The following RARB variants were observed in gnomAD, a reference collection of about 807,000 sequenced individuals.
RARB encodes HBV-activated protein.
RARB carries 17 observed loss-of-function variants against 51.9 expected under a neutral mutation model. That is an observed-to-expected ratio of 0.33 (90% CI 0.22 to 0.49). The LOEUF (loss-of-function observed/expected upper bound fraction) is 0.49. RARB is among the 20% of genes least tolerant of loss of function. The pLI is 0.99. For missense variants in RARB, 369 were observed against 550.8 expected (o/e 0.67, Z 3.30); for synonymous variants, 215 against 195.4 (o/e 1.10, Z -0.84).
At chr3:25,511,459 C>T (rs904945971) in intron 3 of RARB, among the ~76,000 whole-genome samples, 1 of 152,082 alleles carries the variant, frequency 6.6e-6, no homozygotes, top group African/African-American at 2.4e-5. Context: ...CCCTACCTTT[C>T]TATTTATGGC....
At chr3:25,034,305 G>C (rs1432252551) in intron 2 of RARB, among the ~76,000 whole-genome samples, 2 of 152,104 alleles carry the variant, frequency 1.3e-5, no homozygotes, top group East Asian at 1.9e-4. Context: ...GGGAGACCTT[G>C]TCACAAGAAA....
chr3:25,094,743 G>GAAAAAAAAAAAAAAAAAAAAAA (rs1559464234), intron 3 of RARB, among the ~76,000 whole-genome samples: 1 of 86,954 alleles, frequency 1.2e-5, no homozygotes. Context: ...AAAAAAAAAG[G>GAAAAAAAAAAAAAAAAAAAAAA]AAACTGCAAC....
chr3:25,389,779 G>T (rs1228522993), intron 5 of RARB, among the ~76,000 whole-genome samples: 2 of 152,186 alleles, frequency 1.3e-5, no homozygotes, highest in African/African-American at 2.4e-5. Flanking sequence ...GTGCACCTGT[G>T]TGCATAGAAA....
intron 2 of RARB, among the ~76,000 whole-genome samples, chr3:24,913,072 C>T (rs1362583621): frequency 1.3e-5 from 2 of 149,154 alleles, no homozygotes; most frequent in African/African-American, 4.9e-5. Context: ...GCTCCGCCTC[C>T]CAGGTTCATG....
chr3:25,341,796 A>G (rs1705236267), intron 5 of RARB, among the ~76,000 whole-genome samples: 1 of 152,134 alleles, frequency 6.6e-6, no homozygotes, highest in Non-Finnish European at 1.5e-5. Flanking sequence ...GAATTGTCTG[A>G]CCCAAAATGT....
At chr3:25,063,050 G>A (rs545994123) in intron 3 of RARB, among the ~76,000 whole-genome samples, 1 of 151,900 alleles carries the variant, frequency 6.6e-6, no homozygotes, top group South Asian at 2.1e-4. Context: ...GTGTAACTTA[G>A]GACAACTTCT....
intron 3 of RARB, among the ~76,000 whole-genome samples, chr3:25,546,407 C>T (rs557310356): frequency 2.2e-4 from 34 of 152,192 alleles, no homozygotes; most frequent in African/African-American, 7.2e-4. Context: ...CAGAAGCTAA[C>T]CCGATGAGAG....
chr3:25,333,025 G>A (rs984012492), intron 5 of RARB, among the ~76,000 whole-genome samples: 1 of 152,194 alleles, frequency 6.6e-6, no homozygotes, highest in Non-Finnish European at 1.5e-5. Context: ...CAAAATAAAA[G>A]AGGACACAAA....
intron 4 of RARB, among the ~76,000 whole-genome samples, chr3:25,135,638 A>C (rs1037912897): frequency 3.3e-5 from 5 of 152,086 alleles, no homozygotes; most frequent in African/African-American, 1.2e-4. Flanking sequence ...AAACACATTG[A>C]TGTCAGTGAG....
chr3:25,349,742 A>AT (rs558059835), intron 5 of RARB, among the ~76,000 whole-genome samples: 4 of 152,158 alleles, frequency 2.6e-5, no homozygotes, highest in South Asian at 4.1e-4. Context: ...ATTGAAAGTC[A>AT]TTTTTTTTCA....
chr3:25,447,333 C>T (rs1708992407), intron 1 of RARB, among the ~76,000 whole-genome samples: 2 of 152,156 alleles, frequency 1.3e-5, no homozygotes, highest in Non-Finnish European at 1.5e-5. Context: ...GCTAGTAACA[C>T]ACCCACTCAT....
At chr3:25,321,265 G>T (rs1704560865) in intron 5 of RARB, among the ~76,000 whole-genome samples, 1 of 152,090 alleles carries the variant, frequency 6.6e-6, no homozygotes, top group African/African-American at 2.4e-5. Flanking sequence ...AAATGTACAG[G>T]GAAAAACCAT....
At chr3:24,888,319 C>T (rs186270796) in intron 2 of RARB, among the ~76,000 whole-genome samples, 1 of 152,192 alleles carries the variant, frequency 6.6e-6, no homozygotes, top group Admixed American at 6.5e-5. Context: ...AACCTCATAA[C>T]CCTATGAGAA....
intron 2 of RARB, among the ~76,000 whole-genome samples, chr3:24,923,905 T>TC (rs1229664663): frequency 1.3e-5 from 2 of 152,182 alleles, no homozygotes; most frequent in Non-Finnish European, 2.9e-5. Context: ...GGATGGTTTC[T>TC]ATGGTTGTAG....
intron 5 of RARB, among the ~76,000 whole-genome samples, chr3:25,305,748 C>A (rs778976268): frequency 3.3e-5 from 5 of 151,916 alleles, no homozygotes; most frequent in Admixed American, 2.0e-4. Context: ...TGGGCCTCAA[C>A]AAAAATTTCT....
At chr3:25,114,403 A>G (rs1699652417) in intron 3 of RARB, among the ~76,000 whole-genome samples, 2 of 151,936 alleles carry the variant, frequency 1.3e-5, no homozygotes, top group South Asian at 4.1e-4. Flanking sequence ...ACTAGTTTGA[A>G]GATGCTCTGA....
At chr3:25,180,006 G>T (rs889176778) in intron 5 of RARB, among the ~76,000 whole-genome samples, 1 of 152,130 alleles carries the variant, frequency 6.6e-6, no homozygotes, top group Admixed American at 6.5e-5. Flanking sequence ...AAGGGATCAA[G>T]AATATATGAA....
chr3:24,862,620 C>T (rs1702773303), intron 2 of RARB, among the ~76,000 whole-genome samples: 1 of 152,068 alleles, frequency 6.6e-6, no homozygotes, highest in South Asian at 2.1e-4. Context: ...GTCTGGTAGT[C>T]ACTTAGTCAT....
Position 25,053,769 on chromosome 3 carries a change from T to C in RARB, c.-379-6356T>C, listed in dbSNP as rs142889770. On this transcript the variant is annotated intron_variant, in intron 2 of 11. Coordinates refer to the RARB transcript ENST00000383772. The stretch of plus-strand genomic sequence containing the variant: ...AAATTTCTGTAGAGTTTCTGTAGAG[T>C]ACCCAAATCAGTTACGGAACTGGAG... 5.0e-4 allele frequency among the ~76,000 whole-genome samples: 76 copies of C among 152,260 alleles called. No homozygotes were observed. The East Asian group carries it at 9.5e-3, about 19-fold the overall frequency.
Sources: gnomAD v4.1 joint callset for allele counts (sites outside exome capture counted in the v4.1 genomes callset) on GRCh38, gnomAD v4.1.1 for gene constraint, MANE v1.5 for transcripts, NCBI Gene and HGNC (gene_info 2026-07-23, HGNC 2026-07-21) for gene names.